The following FBXL17 variants were observed in gnomAD, a reference collection of about 807,000 sequenced individuals.
The protein encoded by FBXL17 is F-box/LRR-repeat protein 17.
A neutral mutation model predicts 66.2 loss-of-function variants in FBXL17; 22 were observed. The ratio of observed to expected loss-of-function variants is 0.33; its 90% CI spans 0.24 to 0.47. The LOEUF is 0.47. Among genes scored for constraint, FBXL17 ranks in the 20% least tolerant of loss-of-function variants. FBXL17 has a pLI of 1.00. For synonymous variants in FBXL17, 474 were observed against 400.5 expected (o/e 1.18, Z -2.19); for missense variants, 878 against 948.2 (o/e 0.93, Z 0.97).
intron 4 of FBXL17, among the ~76,000 whole-genome samples, chr5:108,255,808 G>A (rs968391725): frequency 2.6e-5 from 4 of 152,146 alleles, no homozygotes; most frequent in Admixed American, 6.5e-5. Flanking sequence ...GGAAATTAGA[G>A]GAAAATTAGA....
chr5:108,074,862 C>A (rs2149912498), intron 6 of FBXL17, among the ~76,000 whole-genome samples: 1 of 152,332 alleles, frequency 6.6e-6, no homozygotes, highest in Non-Finnish European at 1.5e-5. Flanking sequence ...AGGTAGCTGA[C>A]AGCAGTTGTT....
chr5:108,220,761 C>T (rs1004322284), intron 5 of FBXL17, among the ~76,000 whole-genome samples: 1 of 152,156 alleles, frequency 6.6e-6, no homozygotes, highest in African/African-American at 2.4e-5. Flanking sequence ...GCAGGTCCCA[C>T]AGTCTAAACA....
rs1240791443 is a variant in FBXL17, at chr5:107,861,005, T to C, written c.*715A>G. 1 of 152,194 alleles carries C rather than the reference T, an allele frequency of 6.6e-6. No homozygotes were observed. The highest frequency in any genetic ancestry group is 1.5e-5 in the Non-Finnish European group (1 of 68,024). The allele number at this position is 152,194 out of a possible 1,614,324, so 9.4% of individuals were successfully genotyped here. ...TATTTAGTGCTCAACAGAATGCATT[T>C]GTAGAATAATGTATAATTAACTTTC... On this transcript the variant is annotated 3_prime_UTR_variant, in exon 9 of 9. Transcript: ENST00000542267.
chr5:108,242,726 A>G (rs1214215367), intron 4 of FBXL17, among the ~76,000 whole-genome samples: 1 of 152,164 alleles, frequency 6.6e-6, no homozygotes, highest in Non-Finnish European at 1.5e-5. Context: ...TTTCATGGTC[A>G]GCTTCATCTA....
At chr5:108,361,091 T>C (rs553168810) in intron 3 of FBXL17, among the ~76,000 whole-genome samples, 1 of 152,274 alleles carries the variant, frequency 6.6e-6, no homozygotes, top group South Asian at 2.1e-4. Flanking sequence ...ATGTCCAGGC[T>C]TCCTCAAGAA....
At chr5:108,015,832 A>G (rs573017761) in intron 7 of FBXL17, among the ~76,000 whole-genome samples, 1 of 152,284 alleles carries the variant, frequency 6.6e-6, no homozygotes, top group South Asian at 2.1e-4. Flanking sequence ...CAGAAGGTCA[A>G]CAAGGCTGGG....
chr5:108,263,825 A>C (rs537154505), intron 4 of FBXL17, among the ~76,000 whole-genome samples: 139 of 152,310 alleles, frequency 9.1e-4, no homozygotes, highest in African/African-American at 3.3e-3. Context: ...AAAACCCATG[A>C]TATGGGAGAA....
intron 8 of FBXL17, among the ~76,000 whole-genome samples, chr5:107,875,664 C>T (rs949016780): frequency 1.3e-5 from 2 of 152,188 alleles, no homozygotes; most frequent in Non-Finnish European, 2.9e-5. Flanking sequence ...TGTGGAACTC[C>T]ATGTGAAAAC....
At chr5:108,359,715 A>G (rs192683445) in intron 3 of FBXL17, among the ~76,000 whole-genome samples, 28 of 152,282 alleles carry the variant, frequency 1.8e-4, no homozygotes, top group African/African-American at 6.5e-4. Flanking sequence ...GTGATCAAAC[A>G]TATGGTCTAT....
At chr5:107,946,442 C>T (rs1751299139) in intron 7 of FBXL17, among the ~76,000 whole-genome samples, 1 of 144,514 alleles carries the variant, frequency 6.9e-6, no homozygotes, top group Admixed American at 6.9e-5. Context: ...AGGTGTGTGC[C>T]ACCACACCTG....
At chr5:108,373,851 G>A (rs192271828) in intron 1 of FBXL17, among the ~76,000 whole-genome samples, 4 of 152,276 alleles carry the variant, frequency 2.6e-5, no homozygotes, top group South Asian at 2.1e-4. Context: ...CCAGGAGGTC[G>A]AGGCTGCAGT....
intron 3 of FBXL17, among the ~76,000 whole-genome samples, chr5:108,358,428 C>T (rs1489145901): frequency 1.3e-5 from 2 of 152,076 alleles, no homozygotes; most frequent in East Asian, 3.8e-4. Flanking sequence ...TGCTTTTGCA[C>T]ACCAATTAAG....
chr5:108,004,431 T>C (rs572916331), intron 7 of FBXL17, among the ~76,000 whole-genome samples: 3 of 152,322 alleles, frequency 2.0e-5, no homozygotes, highest in East Asian at 1.9e-4. Context: ...CATTACATGA[T>C]AGAAATAAAA....
chr5:108,209,955 T>C (rs114056066), intron 5 of FBXL17, among the ~76,000 whole-genome samples: 3,763 of 152,246 alleles, frequency 0.025, 151 homozygotes, highest in African/African-American at 0.085. Flanking sequence ...TTTTTTTTGG[T>C]TGGCAGACTA....
At chr5:107,881,594 G>A (rs2112502130) in intron 7 of FBXL17, among the ~76,000 whole-genome samples, 1 of 152,196 alleles carries the variant, frequency 6.6e-6, no homozygotes, top group Admixed American at 6.5e-5. Context: ...TTTGAGGAGT[G>A]TTATACTGCA....
intron 5 of FBXL17, among the ~76,000 whole-genome samples, chr5:108,207,039 A>G (rs1429903751): frequency 6.6e-6 from 1 of 152,342 alleles, no homozygotes; most frequent in East Asian, 1.9e-4. Flanking sequence ...CCTATGATAC[A>G]GTTTAATTCA....
At chr5:107,922,890 G>A (rs1162502922) in intron 7 of FBXL17, among the ~76,000 whole-genome samples, 1 of 152,172 alleles carries the variant, frequency 6.6e-6, no homozygotes, top group Non-Finnish European at 1.5e-5. Flanking sequence ...TTGCGGGGCA[G>A]GAATGAATAC....
chr5:108,163,241 T>A (rs1752281387), intron 6 of FBXL17, among the ~76,000 whole-genome samples: 1 of 152,282 alleles, frequency 6.6e-6, no homozygotes, highest in Admixed American at 6.5e-5. Context: ...TTCCTTTATA[T>A]TCTCCTTACC....
At chr5:108,166,489 A>C (rs922236856) in intron 6 of FBXL17, among the ~76,000 whole-genome samples, 3 of 141,602 alleles carry the variant, frequency 2.1e-5, no homozygotes, top group Admixed American at 6.8e-5. Flanking sequence ...AAAACTGATA[A>C]TAAATAACCT....
Sources: allele counts gnomAD v4.1 joint callset (sites outside exome capture counted in the v4.1 genomes callset), GRCh38; gene constraint gnomAD v4.1.1; transcripts MANE v1.5; gene names NCBI Gene and HGNC (gene_info 2026-07-23, HGNC 2026-07-21).